Variants in ANKDD1B observed in about 807,000 individuals in gnomAD.
ANKDD1B encodes ankyrin repeat and death domain containing 1B, also known as ankyrin repeat and death domain-containing protein 1B.
A neutral mutation model predicts 59.7 loss-of-function variants in ANKDD1B; 57 were observed. The ratio of observed to expected loss-of-function variants is 0.95; its 90% CI spans 0.77 to 1.19. ANKDD1B has a LOEUF of 1.19. ANKDD1B is among the 50% of genes most tolerant of loss of function. The pLI, the probability that ANKDD1B is intolerant of heterozygous loss-of-function variation, is 0.00. For missense variants in ANKDD1B, 602 were observed against 641.9 expected (o/e 0.94, Z 0.67); for synonymous variants, 216 against 239.5 (o/e 0.90, Z 0.91).
At position 75,671,161 on chromosome 5, in the gene ANKDD1B, C is replaced by CT. The variant is rs930717261; in HGVS notation, c.*122dup. 15 of 419,032 alleles carry CT rather than the reference C, an allele frequency of 3.6e-5. No homozygotes were observed. The highest frequency in any genetic ancestry group is 2.4e-5 in the Non-Finnish European group (6 of 247,284). The allele number at this position is 419,032 out of a possible 1,614,324, so 26.0% of individuals were successfully genotyped here. A position where few individuals can be genotyped will look rare whatever the true frequency, so the allele number is the denominator to read the frequency against. Reference sequence around the variant, plus strand: ...ATGATGATGGTGGTGACAGGGAACTCTAACAGATGAAAGAAGAGTAATACC... The same window carrying CT: ...ATGATGATGGTGGTGACAGGGAACTCTTAACAGATGAAAGAAGAGTAATACC... On this transcript the variant is annotated 3_prime_UTR_variant, in exon 14 of 14. Coordinates refer to ENST00000601380, the MANE Select transcript of ANKDD1B (RefSeq NM_001276713.2).
intron 1 of ANKDD1B, among the ~76,000 whole-genome samples, chr5:75,616,029 T>A (rs1581126967): frequency 6.6e-6 from 1 of 152,298 alleles, no homozygotes; most frequent in East Asian, 1.9e-4. Context: ...AGGAAACTAA[T>A]CCACAACACA....
chr5:75,631,322 A>T (rs1240216596), intron 5 of ANKDD1B, among the ~76,000 whole-genome samples: 4 of 152,226 alleles, frequency 2.6e-5, no homozygotes, highest in Non-Finnish European at 4.4e-5. Flanking sequence ...GTGTCCTTGC[A>T]AACTAAATAA....
intron 12 of ANKDD1B, 89 bp from the exon 13 acceptor site, chr5:75,669,163 A>T (rs1249992398): frequency 8.4e-7 from 1 of 1,191,334 alleles, no homozygotes; most frequent in East Asian, 3.2e-5. Flanking sequence ...GCAAACAGTC[A>T]TTCAGAAAGT....
chr5:75,667,643 G>T lies in ANKDD1B; in HGVS notation c.1393+650G>T, dbSNP rs188225696. Among the ~76,000 whole-genome samples the T allele has an allele frequency of 3.3e-3, 496 of 152,268 alleles. 4 individuals are homozygous for T. The highest frequency in any genetic ancestry group is 6.8e-3 in the Middle Eastern group (2 of 294). On this transcript the variant is annotated intron_variant, in intron 12 of 13. Transcript: ENST00000601380. ...CAGGTCAGCTAGATTCCTTAATTTT[G>T]TTTTTTGTGGTTAGACGAAAACCTA...
intron 8 of ANKDD1B, among the ~76,000 whole-genome samples, chr5:75,655,218 T>A (rs1774937250): frequency 6.6e-6 from 1 of 151,878 alleles, no homozygotes; most frequent in African/African-American, 2.4e-5. Context: ...GTGGTTGGGA[T>A]AAGTGAGAGG....
intron 3 of ANKDD1B, among the ~76,000 whole-genome samples, chr5:75,621,735 A>G (rs990289376): frequency 6.6e-6 from 1 of 152,204 alleles, no homozygotes; most frequent in Non-Finnish European, 1.5e-5. Flanking sequence ...TATGTTAAAT[A>G]CAGGACTGGT....
rs780161066 is a variant in ANKDD1B, at chr5:75,611,502, G to A, written c.-133G>A. 8 of 630,766 alleles carry A rather than the reference G, an allele frequency of 1.3e-5. No homozygotes were observed. The highest frequency in any genetic ancestry group is 1.8e-5 in the Non-Finnish European group (8 of 439,968). 39.1% of individuals were successfully genotyped at this position (630,766 alleles called of 1,614,324 possible). On this transcript the variant is annotated 5_prime_UTR_variant, in exon 1 of 14. Transcript: ENST00000601380. ...GAGAGCGGACTCGATCCTGCGCTCC[G>A]GCCGGGCTGACCTGCCTGCGTCCAG...
At chr5:75,653,831 G>A (rs1774891927) in intron 8 of ANKDD1B, among the ~76,000 whole-genome samples, 1 of 152,190 alleles carries the variant, frequency 6.6e-6, no homozygotes, top group African/African-American at 2.4e-5. Flanking sequence ...AACTCAAGAG[G>A]AGGGATGTGG....
At chr5:75,622,485 G>A (rs943212303) in intron 3 of ANKDD1B, among the ~76,000 whole-genome samples, 2 of 152,172 alleles carry the variant, frequency 1.3e-5, no homozygotes, top group African/African-American at 4.8e-5. Context: ...AGGGACCAAA[G>A]TGAGCAGCAA....
At position 75,634,974 on chromosome 5, in the gene ANKDD1B, T is replaced by G. The variant is rs1314176264; in HGVS notation, c.677T>G (p.Leu226Arg). The change falls in exon 6 of 14, where the codon CTG (leucine) becomes CGG (arginine). Residue 226 changes from leucine (L) to arginine (R), a missense_variant. Leu to Arg is a moderately radical substitution (Grantham distance 102, BLOSUM62 -2). Around this residue, in one of 3 missense-constraint regions of ANKDD1B, gnomAD observed 317 missense variants for 304.6 expected, o/e 1.04. Coordinates refer to ENST00000601380, the MANE Select transcript of ANKDD1B (RefSeq NM_001276713.2). ...ATAGAAAAACTTACCTTCCTAAACC[T>G]GCATACTTCAGAAAAGGACAAGGTG... is the stretch of plus-strand genomic sequence containing the variant. ...EMIEKLTFLN[L>R]HTSEKDKGGN... is the part of the protein sequence containing the mutation. 9 of 1,534,350 alleles carry G rather than the reference T, an allele frequency of 5.9e-6. No individual in the cohort carries two copies. The highest frequency in any genetic ancestry group is 6.1e-6 in the Non-Finnish European group (7 of 1,145,370).
chr5:75,651,109 G>T (rs967570796), intron 7 of ANKDD1B, among the ~76,000 whole-genome samples: 7 of 152,182 alleles, frequency 4.6e-5, no homozygotes, highest in African/African-American at 1.7e-4. Flanking sequence ...GAACTGGCAC[G>T]CTGGAATTTC....
At chr5:75,637,268 A>AAAAAAG (rs1354009540) in intron 7 of ANKDD1B, among the ~76,000 whole-genome samples, 1 of 145,400 alleles carries the variant, frequency 6.9e-6, no homozygotes, top group Non-Finnish European at 1.5e-5. Flanking sequence ...AAAAAAAAAA[A>AAAAAAG]AAAAAGAAAG....
At chr5:75,641,207 T>C (rs1774451720) in intron 7 of ANKDD1B, among the ~76,000 whole-genome samples, 1 of 152,206 alleles carries the variant, frequency 6.6e-6, no homozygotes, top group Non-Finnish European at 1.5e-5. Flanking sequence ...ATCACAAAAA[T>C]AGAATTTGGA....
At chr5:75,648,125 A>C in intron 7 of ANKDD1B, among the ~76,000 whole-genome samples, 1 of 84,042 alleles carries the variant, frequency 1.2e-5, no homozygotes, top group Non-Finnish European at 2.3e-5. Context: ...GGGGGGAGGG[A>C]TAGCATTGGG....
At chr5:75,665,944 G>A (rs1422444032) in intron 11 of ANKDD1B, among the ~76,000 whole-genome samples, 1 of 152,120 alleles carries the variant, frequency 6.6e-6, no homozygotes, top group Non-Finnish European at 1.5e-5. Context: ...CATGAGAAAG[G>A]AAGTCCCAGA....
rs927888752 is a variant in ANKDD1B at position 75,669,304 on chromosome 5, C to T, written c.1446C>T (p.His482=). The stretch of plus-strand genomic sequence containing the variant: ...ACAGGGCTCTGCTTATCTGGCTACA[C>T]GGGACCCTGATGACTCAGGGTGACC... The part of the protein sequence containing the change: ...HGHRALLIWL[H]GTLMTQGDPA... Residue 482 remains histidine, a synonymous_variant, in exon 13 of 14, where the codon CAC becomes CAT. Transcript: ENST00000601380. The T allele has an allele frequency of 1.9e-5, 23 of 1,231,992 alleles. No individual in the cohort carries two copies. The highest frequency in any genetic ancestry group is 1.2e-4 in the South Asian group (3 of 24,316). The allele number at this position is 1,231,992 out of a possible 1,614,324, so 76.3% of individuals were successfully genotyped here.
At chr5:75,624,056 C>T (rs1245290539) in intron 3 of ANKDD1B, among the ~76,000 whole-genome samples, 2 of 152,208 alleles carry the variant, frequency 1.3e-5, no homozygotes, top group East Asian at 1.9e-4. Flanking sequence ...ATCTAACAAA[C>T]AGTTTCCAGA....
chr5:75,669,729 A>G (rs42302), intron 13 of ANKDD1B, among the ~76,000 whole-genome samples: 86,804 of 151,994 alleles, frequency 0.57, 25,630 homozygotes, highest in Middle Eastern at 0.68. Context: ...GTTCTCCACG[A>G]CTAAGAGTTG....
chr5:75,656,855 A>G (rs1038447211), intron 9 of ANKDD1B, among the ~76,000 whole-genome samples: 2 of 152,122 alleles, frequency 1.3e-5, no homozygotes, highest in Admixed American at 1.3e-4. Flanking sequence ...GCTAGGGAGG[A>G]GCCATGGTGC....
Sources: gnomAD v4.1 joint callset for allele counts (sites outside exome capture counted in the v4.1 genomes callset) on GRCh38, gnomAD v4.1.1 for gene constraint, gnomAD v4.1.1 regional missense constraint, MANE v1.5 for transcripts, NCBI Gene and HGNC (gene_info 2026-07-23, HGNC 2026-07-21) for gene names.